Variants in PLGRKT observed in about 807,000 individuals in gnomAD.
PLGRKT encodes plasminogen receptor (KT).
A neutral mutation model predicts 18.5 loss-of-function variants in PLGRKT; 22 were observed. The observed-to-expected ratio is 1.19, with a 90% confidence interval of 0.85 to 1.70. The LOEUF (loss-of-function observed/expected upper bound fraction) is 1.70. PLGRKT is among the 40% of genes most tolerant of loss of function. The probability of loss-of-function intolerance (pLI) is 0.00; values close to 1 mark genes in which losing one functional copy is unlikely to be tolerated. For synonymous variants in PLGRKT, 72 were observed against 52.8 expected (o/e 1.36, Z -1.58); for missense variants, 235 against 174.4 (o/e 1.35, Z -1.96).
At chr9:5,367,165 T>G (rs1160179863) in intron 3 of PLGRKT, among the ~76,000 whole-genome samples, 1 of 151,950 alleles carries the variant, frequency 6.6e-6, no homozygotes, top group Non-Finnish European at 1.5e-5. Context: ...ATGGCCATAC[T>G]GCCCAAAGTA....
At chr9:5,392,570 T>C (rs979007435) in intron 3 of PLGRKT, 1 of 151,942 alleles carries the variant, frequency 6.6e-6, no homozygotes, top group African/African-American at 2.4e-5. Flanking sequence ...GGCTCCCTGA[T>C]TTGAATCTGA....
At chr9:5,429,648 G>A (rs1370523846) in intron 3 of PLGRKT, among the ~76,000 whole-genome samples, 1 of 152,138 alleles carries the variant, frequency 6.6e-6, no homozygotes, top group African/African-American at 2.4e-5. Context: ...AAAGCCATCA[G>A]TCACACTGAA....
chr9:5,431,823 G>A, intron 3 of PLGRKT, 74 bp downstream of exon 3: 3 of 727,988 alleles, frequency 4.1e-6, no homozygotes, highest in Non-Finnish European at 7.4e-6. Context: ...CAAAGAGAAT[G>A]TACGGCTGGA....
At chr9:5,429,302 G>C (rs1268049938) in intron 3 of PLGRKT, among the ~76,000 whole-genome samples, 1 of 152,200 alleles carries the variant, frequency 6.6e-6, no homozygotes, top group Non-Finnish European at 1.5e-5. Context: ...AAATCACTAT[G>C]AAGCTCCAGT....
At chr9:5,420,834 C>A (rs1452051588) in intron 3 of PLGRKT, among the ~76,000 whole-genome samples, 1 of 152,164 alleles carries the variant, frequency 6.6e-6, no homozygotes, top group Non-Finnish European at 1.5e-5. Context: ...GATGTTGGTA[C>A]AGCCTTCTCC....
At chr9:5,398,476 A>G (rs373961077) in intron 3 of PLGRKT, among the ~76,000 whole-genome samples, 1 of 152,026 alleles carries the variant, frequency 6.6e-6, no homozygotes. Context: ...ACAAGCTGTG[A>G]TCTTCCTTTT....
chr9:5,404,834 A>T (rs1433601526), intron 3 of PLGRKT, among the ~76,000 whole-genome samples: 1 of 152,200 alleles, frequency 6.6e-6, no homozygotes, highest in African/African-American at 2.4e-5. Context: ...GAGGAGATCA[A>T]ATTGTCTTTG....
intron 3 of PLGRKT, among the ~76,000 whole-genome samples, chr9:5,388,109 T>C (rs60018941): frequency 0.28 from 42,125 of 151,624 alleles, 6,593 homozygotes; most frequent in African/African-American, 0.39. Flanking sequence ...ATTATGAGAC[T>C]GGATGAAATG....
chr9:5,360,938 A>C (rs79831506), intron 5 of PLGRKT, 140 bp downstream of exon 5: 6,502 of 569,786 alleles, frequency 0.011, 336 homozygotes, highest in African/African-American at 0.11. Context: ...ACTGTGTGAA[A>C]GGGAGCAGAA....
At chr9:5,419,528 G>T (rs891857896) in intron 3 of PLGRKT, among the ~76,000 whole-genome samples, 2 of 152,162 alleles carry the variant, frequency 1.3e-5, no homozygotes, top group Non-Finnish European at 1.5e-5. Flanking sequence ...CGGCCGCCGC[G>T]AGCCACAAAA....
chr9:5,390,227 G>C (rs1036428184), intron 3 of PLGRKT, among the ~76,000 whole-genome samples: 1 of 138,554 alleles, frequency 7.2e-6, no homozygotes, highest in Admixed American at 7.2e-5. Flanking sequence ...GTGTGTGTGT[G>C]TGTGTGTGTA....
At chr9:5,411,322 T>C (rs1205958725) in intron 3 of PLGRKT, among the ~76,000 whole-genome samples, 2 of 150,438 alleles carry the variant, frequency 1.3e-5, no homozygotes, top group Non-Finnish European at 3.0e-5. Context: ...GAGGCAGAGG[T>C]TGCAGCGAGC....
intron 1 of PLGRKT, 195 bp downstream of exon 1, chr9:5,437,594 G>T (rs1818985331): frequency 6.6e-6 from 1 of 152,264 alleles, no homozygotes; most frequent in Non-Finnish European, 1.5e-5. Flanking sequence ...CACGCCAGGC[G>T]ACAAGAACGC....
At chr9:5,372,027 G>A (rs1219378821) in intron 3 of PLGRKT, among the ~76,000 whole-genome samples, 1 of 115,606 alleles carries the variant, frequency 8.7e-6, no homozygotes, top group East Asian at 2.3e-4. Flanking sequence ...TGTCTCCCAG[G>A]CTGGAGTGCA....
intron 3 of PLGRKT, among the ~76,000 whole-genome samples, chr9:5,381,259 T>A (rs1817739548): frequency 6.6e-6 from 1 of 152,204 alleles, no homozygotes; most frequent in Admixed American, 6.5e-5. Context: ...CCCCTCCCAT[T>A]ACAAACCCAG....
intron 3 of PLGRKT, among the ~76,000 whole-genome samples, chr9:5,388,004 AAGCAGGCAGTTTGGTAT>A (rs1817877516): frequency 6.6e-6 from 1 of 151,930 alleles, no homozygotes; most frequent in Non-Finnish European, 1.5e-5. Context: ...ATGATGTGTC[AAGCAGGCAGTTTGGTAT>A]AGCAGTCTGT....
chr9:5,359,050 T>C (rs961164235), intron 5 of PLGRKT, among the ~76,000 whole-genome samples: 5 of 145,618 alleles, frequency 3.4e-5, no homozygotes, highest in African/African-American at 1.3e-4. Flanking sequence ...ACTCCTCTTT[T>C]AACACACTAT....
At chr9:5,400,808 A>C (rs988816945) in intron 3 of PLGRKT, among the ~76,000 whole-genome samples, 1 of 152,006 alleles carries the variant, frequency 6.6e-6, no homozygotes, top group African/African-American at 2.4e-5. Context: ...ACAAATGTGA[A>C]GACGCAAATT....
At position 5,418,827 on chromosome 9, in the gene PLGRKT, G is replaced by A; in HGVS notation, c.81+13070C>T. On this transcript the variant is annotated intron_variant, in intron 3 of 5. Coordinates refer to ENST00000223864, the MANE Select transcript of PLGRKT (RefSeq NM_018465.4). The surrounding 1 kb of genome is among the most constrained non-coding windows in gnomAD (Gnocchi z 4.2). ...GCTTGGTGACACCGCTGCACCAGGG[G>A]CATCGCACATCCTTCTGGCTGGTCC... The A allele has an allele frequency of 4.0e-6, 4 of 1,009,800 alleles. No individual in the cohort carries two copies. Among genetic ancestry groups the A allele is most frequent in the Non-Finnish European group, 6.2e-6 (4 of 644,134 alleles). 62.6% of individuals were successfully genotyped at this position (1,009,800 alleles called of 1,614,324 possible). A position where few individuals can be genotyped will look rare whatever the true frequency, so the allele number is the denominator to read the frequency against.
Sources: gnomAD v4.1 joint callset for allele counts (sites outside exome capture counted in the v4.1 genomes callset) on GRCh38, gnomAD v4.1.1 for gene constraint, Gnocchi (gnomAD v3.1) non-coding constraint, MANE v1.5 for transcripts, NCBI Gene and HGNC (gene_info 2026-07-23, HGNC 2026-07-21) for gene names.